Variants in ABCA5 observed in about 807,000 individuals in gnomAD.
The protein encoded by ABCA5 is cholesterol transporter ABCA5.
Under a neutral mutation model 206.0 loss-of-function variants are expected in ABCA5, and 163 were observed. The ratio of observed to expected loss-of-function variants is 0.79; its 90% CI spans 0.70 to 0.90. The LOEUF (loss-of-function observed/expected upper bound fraction) is 0.90, where lower values mean the gene tolerates loss of function less well. Ranked by LOEUF, ABCA5 falls within the 40% of genes least tolerant of loss-of-function variation. The pLI, the probability that ABCA5 is intolerant of heterozygous loss-of-function variation, is 0.00. For missense variants in ABCA5, 1,859 were observed against 1,912.9 expected, an observed-to-expected ratio of 0.97 and a Z score of 0.53; for synonymous variants, 609 against 613.8, an observed-to-expected ratio of 0.99 and a Z score of 0.11.
chr17:69,275,851 C>T (rs1307902507), intron 19 of ABCA5, among the ~76,000 whole-genome samples: 2 of 152,140 alleles, frequency 1.3e-5, no homozygotes, highest in East Asian at 1.9e-4. Context: ...GGGATTAGTA[C>T]ATTTATAAAG....
chr17:69,266,304 T>C (rs1484560447), intron 23 of ABCA5, among the ~76,000 whole-genome samples: 1 of 152,112 alleles, frequency 6.6e-6, no homozygotes, highest in Non-Finnish European at 1.5e-5. Context: ...GTGACAGAAA[T>C]GTTCTGTATC....
At chr17:69,299,679 T>C (rs903372532) in intron 9 of ABCA5, among the ~76,000 whole-genome samples, 6 of 151,000 alleles carry the variant, frequency 4.0e-5, no homozygotes, top group Non-Finnish European at 8.8e-5. Context: ...AACGATACAA[T>C]GGATTATGGG....
At chr17:69,294,558 T>C in intron 11 of ABCA5, 97 bp downstream of exon 11, 1 of 1,052,826 alleles carries the variant, frequency 9.5e-7, no homozygotes, top group Non-Finnish European at 1.4e-6. Flanking sequence ...AGACAGAAAA[T>C]CATGGTAGAG....
intron 18 of ABCA5, among the ~76,000 whole-genome samples, chr17:69,282,148 C>T (rs2075400751): frequency 6.6e-6 from 1 of 152,324 alleles, no homozygotes; most frequent in East Asian, 1.9e-4. Context: ...ACCAAAACTA[C>T]CTTTTTTGTC....
chr17:69,285,558 T>C (rs772414817), intron 17 of ABCA5: 40 of 157,108 alleles, frequency 2.5e-4, no homozygotes, highest in Non-Finnish European at 4.2e-4. Context: ...AGAATGTATA[T>C]AAACTATATA....
In ABCA5 at chr17:69,271,175, A is replaced by G; in HGVS notation, c.2879T>C (p.Met960Thr). 1 of 1,611,802 alleles carries G rather than the reference A, an allele frequency of 6.2e-7. No individual in the cohort carries two copies. Among genetic ancestry groups the G allele is most frequent in the African/African-American group, 1.3e-5 (1 of 74,954 alleles). Residue 960 changes from methionine (M) to threonine (T), a missense_variant, in exon 21 of 39, where the codon ATG (methionine) becomes ACG (threonine). Met to Thr is a moderately conservative substitution (Grantham distance 81, BLOSUM62 -1). Coordinates refer to ENST00000392676, the MANE Select transcript of ABCA5 (RefSeq NM_172232.4). ...VAPHSAALNV[M>T]HSEKDYVFAA... ...CATTCATCTTACCTTTTCTGAATGC[A>G]TCACATTTAAAGCCGCACTATGGGG...
chr17:69,287,790 G>A (rs1567768343), intron 14 of ABCA5, 39 bp from the exon 15 acceptor site: 1 of 1,583,356 alleles, frequency 6.3e-7, no homozygotes, highest in East Asian at 2.3e-5. Flanking sequence ...GGAATCCTCA[G>A]AAAAACTAAA....
rs142630171 is a variant in ABCA5 at position 69,255,300 on chromosome 17, G to A, written c.4068+243C>T. Among the ~76,000 whole-genome samples, 298 of 152,192 alleles carry A rather than the reference G, an allele frequency of 2.0e-3. 5 individuals are homozygous for A. Among genetic ancestry groups the A allele is most frequent in the Non-Finnish European group, 6.3e-4 (43 of 67,990 alleles). ...TTAAGTTGGTAGACAAATAACTCAC[G>A]CATGTAAGCATTACAAAAGCAGAAA... On this transcript the variant is annotated intron_variant, in intron 31 of 38. Coordinates refer to ENST00000392676, the MANE Select transcript of ABCA5 (RefSeq NM_172232.4).
At chr17:69,322,893 C>G (rs1888596648) in intron 1 of ABCA5, among the ~76,000 whole-genome samples, 1 of 152,092 alleles carries the variant, frequency 6.6e-6, no homozygotes, top group Admixed American at 6.5e-5. Flanking sequence ...TTGAGTCATC[C>G]TGATGTTTAG....
At chr17:69,302,367 C>T (rs1374157764) in intron 8 of ABCA5, among the ~76,000 whole-genome samples, 15 of 152,122 alleles carry the variant, frequency 9.9e-5, no homozygotes, top group Admixed American at 7.9e-4. Flanking sequence ...ATGCATTCTT[C>T]TGAGATAAAT....
At chr17:69,303,825 T>TACACACATAC (rs1491492719) in intron 7 of ABCA5, among the ~76,000 whole-genome samples, 1 of 5,634 alleles carries the variant, frequency 1.8e-4, no homozygotes, top group Non-Finnish European at 1.0e-3. Context: ...TATATATATA[T>TACACACATAC]GTATATATAT....
At chr17:69,290,996 A>G (rs1014666842) in intron 12 of ABCA5, among the ~76,000 whole-genome samples, 9 of 152,196 alleles carry the variant, frequency 5.9e-5, no homozygotes, top group South Asian at 2.1e-4. Context: ...CTACGTGTGT[A>G]TATGTATAGA....
chr17:69,248,312 GTT>G lies in ABCA5; in HGVS notation c.4769_4770del (p.Lys1590ThrfsTer6). On this transcript the variant is annotated frameshift_variant, in exon 38 of 39. Coordinates refer to ENST00000392676, the MANE Select transcript of ABCA5 (RefSeq NM_172232.4). LOFTEE classifies it high-confidence loss of function. ...CTATATTCTTCAATGGCAAAAGCATGTTTAGCTATTAAAATATAAAAATAGTA... is the reference window on the plus strand; with the variant it reads ...CTATATTCTTCAATGGCAAAAGCATGTAGCTATTAAAATATAAAAATAGTA... ...SQSFFKLEEA[K>X]HAFAIEEYSF... The G allele has an allele frequency of 6.4e-7, 1 of 1,555,822 alleles. No homozygotes were observed. Among genetic ancestry groups the G allele is most frequent in the Non-Finnish European group, 8.8e-7 (1 of 1,138,384 alleles).
chr17:69,300,811 TAC>T (rs1243523529), intron 9 of ABCA5, among the ~76,000 whole-genome samples: 1 of 152,094 alleles, frequency 6.6e-6, no homozygotes, highest in East Asian at 1.9e-4. Context: ...TGGTAGGAGT[TAC>T]AAGATCACTT....
At chr17:69,301,982 A>G (rs1189086948) in intron 8 of ABCA5, among the ~76,000 whole-genome samples, 1 of 152,206 alleles carries the variant, frequency 6.6e-6, no homozygotes, top group Admixed American at 6.5e-5. Context: ...TCGGGGACTC[A>G]ATGAACTCTC....
chr17:69,265,566 T>C (rs1175879629), intron 23 of ABCA5, among the ~76,000 whole-genome samples: 1 of 152,140 alleles, frequency 6.6e-6, no homozygotes, highest in Non-Finnish European at 1.5e-5. Context: ...CTAACAATTT[T>C]ATTTAGTTGA....
intron 11 of ABCA5, among the ~76,000 whole-genome samples, chr17:69,292,002 G>A (rs962382637): frequency 2.0e-5 from 3 of 151,986 alleles, no homozygotes; most frequent in African/African-American, 7.3e-5. Flanking sequence ...CCAGCTACTC[G>A]GAAGGCTGAG....
intron 26 of ABCA5, 128 bp downstream of exon 26, chr17:69,260,997 A>G (rs967214341): frequency 6.3e-5 from 45 of 719,334 alleles, no homozygotes; most frequent in Non-Finnish European, 1.1e-5. Flanking sequence ...TGCATTAATA[A>G]TATCTAAATC....
chr17:69,247,546 T>C lies in ABCA5; in HGVS notation c.4920A>G (p.Val1640=). ...ACCGAACAATACAAATTCAAAATAC[T>C]ACTCTATCTTCTTGTGTTCGTTCCC... The part of the protein sequence containing the change: ...LWWERTQEDR[V]VF The change falls in exon 39 of 39, where the codon GTA becomes GTG. Residue 1640 remains valine, a synonymous_variant. Transcript: ENST00000392676. 1 of 1,593,446 alleles carries C rather than the reference T, an allele frequency of 6.3e-7. No homozygotes were observed.
Sources: gnomAD v4.1 joint callset for allele counts (sites outside exome capture counted in the v4.1 genomes callset) on GRCh38, gnomAD v4.1.1 for gene constraint, MANE v1.5 for transcripts, NCBI Gene and HGNC (gene_info 2026-07-23, HGNC 2026-07-21) for gene names.